Variants in RPL15 observed in about 807,000 individuals in gnomAD.
RPL15 encodes the protein large ribosomal subunit protein eL15.
For synonymous variants in RPL15, 97 were observed against 95.1 expected, an observed-to-expected ratio of 1.02 and a Z score of -0.12; for missense variants, 161 against 271.8, an observed-to-expected ratio of 0.59 and a Z score of 2.87.
rs1270821829 is a variant in RPL15 at position 23,917,878 on chromosome 3, A to G, written c.19A>G (p.Ile7Val). 7.5e-6 allele frequency: 12 copies of G among 1,610,150 alleles called. 1 individual carries two copies. The South Asian group carries it at 1.2e-4, about 16-fold the overall frequency. MGAYKY[I>V]QELWRKKQSD... ...AGCCAAGATGGGTGCATACAAGTAC[A>G]TCCAGGAGCTATGGAGAAAGAAGCA... The change falls in exon 2 of 4, where the codon ATC becomes GTC. Residue 7 changes from isoleucine to valine, a missense_variant. Ile to Val is a conservative substitution (Grantham distance 29). Transcript: ENST00000307839.
chr3:23,918,643 A>C (rs1159976588), intron 3 of RPL15, 67 bp downstream of exon 3: 1 of 1,550,292 alleles, frequency 6.5e-7, no homozygotes, highest in Non-Finnish European at 8.7e-7. Context: ...GAGATTAAGC[A>C]ACTTTTCTGA....
At position 23,920,781 on chromosome 3, in the gene RPL15, G is replaced by A. The variant is rs1323190658; in HGVS notation, c.*1280G>A. 1.0e-6 allele frequency: 1 copy of A among 965,882 alleles called. No homozygotes were observed. The highest frequency in any genetic ancestry group is 1.1e-4 in the East Asian group (1 of 8,748). The allele number at this position is 965,882 out of a possible 1,614,324, so 59.8% of individuals were successfully genotyped here. Reference sequence around the variant, plus strand: ...TTCACAAAAAAAGAAAAGATCTTAAGTCATACATTTTAATTGTGTAGAGGT... The same window carrying A: ...TTCACAAAAAAAGAAAAGATCTTAAATCATACATTTTAATTGTGTAGAGGT... On this transcript the variant is annotated 3_prime_UTR_variant, in exon 4 of 4. Transcript: ENST00000307839.
At chr3:23,917,813 A>C (rs781521103) in intron 1 of RPL15, 37 bp from the exon 2 acceptor site, 1 of 1,566,146 alleles carries the variant, frequency 6.4e-7, no homozygotes, top group East Asian at 2.3e-5. Context: ...ATTGTACTTA[A>C]AGCGGATGAT....
At position 23,920,315 on chromosome 3, in the gene RPL15, TAAA is replaced by T. The variant is rs748550537; in HGVS notation, c.*817_*819del. ...ACGTCATTCTTAGTCCAGTCAGTCTTAAAAACATCTTGGGTTACCCACTCTGTC... is the reference window on the plus strand; with the variant it reads ...ACGTCATTCTTAGTCCAGTCAGTCTTAACATCTTGGGTTACCCACTCTGTC... On this transcript the variant is annotated 3_prime_UTR_variant, in exon 4 of 4. Coordinates refer to ENST00000307839, the MANE Select transcript of RPL15 (RefSeq NM_002948.5). 1.9e-4 allele frequency: 190 copies of T among 985,624 alleles called. No homozygotes were observed. The highest frequency in any genetic ancestry group is 2.1e-4 in the Non-Finnish European group (173 of 829,924). The allele number at this position is 985,624 out of a possible 1,614,324, so 61.1% of individuals were successfully genotyped here.
chr3:23,918,988 G>GAT (rs1467956588), intron 3 of RPL15: 2 of 592,338 alleles, frequency 3.4e-6, no homozygotes, highest in African/African-American at 1.9e-5. Flanking sequence ...AAGAGGGAAT[G>GAT]ATGTGTTTCA....
Position 23,920,371 on chromosome 3 carries a change from C to A in RPL15, c.*870C>A. On this transcript the variant is annotated 3_prime_UTR_variant, in exon 4 of 4. Transcript: ENST00000307839. Reference sequence around the variant, plus strand: ...CTCCCATAGGCTACAGAAAAAGTCACAAGCGCATGGTTTCCAACCATATGT... The same window carrying A: ...CTCCCATAGGCTACAGAAAAAGTCAAAAGCGCATGGTTTCCAACCATATGT... 1 of 985,458 alleles carries A rather than the reference C, an allele frequency of 1.0e-6. No homozygotes were observed. The highest frequency in any genetic ancestry group is 1.2e-6 in the Non-Finnish European group (1 of 829,856). 61.0% of individuals were successfully genotyped at this position (985,458 alleles called of 1,614,324 possible).
chr3:23,916,722 G>GAGCGGAGA (rs1553644332), upstream of RPL15: 1 of 152,282 alleles, frequency 6.6e-6, no homozygotes, highest in Admixed American at 6.6e-5. Context: ...GGACAGCGCA[G>GAGCGGAGA]CGCGGAGACG....
intron 1 of RPL15, 159 bp from the exon 2 acceptor site, chr3:23,917,691 C>T (rs1704717575): frequency 3.0e-5 from 20 of 674,412 alleles, no homozygotes; most frequent in South Asian, 6.1e-5. Context: ...TCCGTGGGCG[C>T]AGTGGTGGGG....
At chr3:23,918,414 C>CT in intron 2 of RPL15, 26 bp from the exon 3 acceptor site, 1 of 1,607,056 alleles carries the variant, frequency 6.2e-7, no homozygotes, top group Non-Finnish European at 8.5e-7. Flanking sequence ...TATAAAATCA[C>CT]TAATTTCGTG....
intron 1 of RPL15, chr3:23,917,542 C>T (rs1704694436): frequency 3.7e-6 from 1 of 267,714 alleles, no homozygotes; most frequent in Non-Finnish European, 7.1e-6. Context: ...GCGGCATCTC[C>T]TTTCAGGTCC....
At chr3:23,921,458 C>G (rs1423051096), downstream of RPL15, 6 of 614,416 alleles carry the variant, frequency 9.8e-6, no homozygotes, top group South Asian at 2.0e-5. Context: ...AGCTTTACTC[C>G]AATATTAAGG....
chr3:23,921,845 G>A (rs1040891825), downstream of RPL15: 1 of 522,466 alleles, frequency 1.9e-6, no homozygotes, highest in Non-Finnish European at 3.4e-6. Flanking sequence ...AAAGTGCTGG[G>A]ATTACAGGCG....
chr3:23,919,743 A>G lies in RPL15; in HGVS notation c.*242A>G, dbSNP rs1704967901. 9.2e-6 allele frequency: 12 copies of G among 1,305,316 alleles called. No homozygotes were observed. Among genetic ancestry groups the G allele is most frequent in the Non-Finnish European group, 1.1e-5 (11 of 1,028,806 alleles). 80.9% of individuals were successfully genotyped at this position (1,305,316 alleles called of 1,614,324 possible). On this transcript the variant is annotated 3_prime_UTR_variant, in exon 4 of 4. Coordinates refer to ENST00000307839, the MANE Select transcript of RPL15 (RefSeq NM_002948.5). ...AGGGAGTTGTATGTCAGTGTATAAA[A>G]CATACTGTGTGGTATAACAGGCTTA...
rs1259844188 is a variant in RPL15 at position 23,917,967 on chromosome 3, C to T, written c.108C>T (p.Leu36=). Residue 36 remains leucine (L), a synonymous_variant, in exon 2 of 4, where the codon CTC becomes CTT. Coordinates refer to ENST00000307839, the MANE Select transcript of RPL15 (RefSeq NM_002948.5). ...RCWQYRQLSA[L]HRAPRPTRPD... ...GGCAGTACCGCCAGCTCTCTGCTCT[C>T]CACAGGGCTCCCCGCCCCACCCGGC... is the stretch of plus-strand genomic sequence containing the variant. The T allele has an allele frequency of 6.2e-7, 1 of 1,613,694 alleles. No individual in the cohort carries two copies.
chr3:23,917,564 G>A, intron 1 of RPL15: 1 of 301,618 alleles, frequency 3.3e-6, no homozygotes, highest in Non-Finnish European at 6.1e-6. Context: ...CCTTGGGGAC[G>A]CCGCCTGCCG....
downstream of RPL15, chr3:23,921,494 C>T (rs185552135): frequency 1.2e-3 from 801 of 659,906 alleles, 14 homozygotes; most frequent in South Asian, 0.013. Context: ...ATACCCTGAC[C>T]GCCCCACAAG....
Position 23,920,666 on chromosome 3 carries a change from ATCTTC to A in RPL15, c.*1169_*1173del, listed in dbSNP as rs1224733734. 2 of 985,116 alleles carry A rather than the reference ATCTTC, an allele frequency of 2.0e-6. No individual in the cohort carries two copies. The highest frequency in any genetic ancestry group is 3.5e-5 in the African/African-American group (2 of 57,218). The allele number at this position is 985,116 out of a possible 1,614,324, so 61.0% of individuals were successfully genotyped here. ...GCTCGTTCTGAACCAATTTTCTCCT[ATCTTC>A]TCTAGGGGTTTCAAAAGACTCAGTT... On this transcript the variant is annotated 3_prime_UTR_variant, in exon 4 of 4. Transcript: ENST00000307839.
downstream of RPL15, chr3:23,922,013 A>C (rs551026564): frequency 6.6e-4 from 112 of 169,294 alleles, 3 homozygotes; most frequent in South Asian, 0.012. The surrounding 1 kb of genome is among the most constrained non-coding windows in gnomAD (Gnocchi z 4.2). Flanking sequence ...GCCCAAATTT[A>C]CTTTAGTAAT....
chr3:23,924,000 T>G (rs1190517092), downstream of RPL15: 1 of 152,176 alleles, frequency 6.6e-6, no homozygotes, highest in African/African-American at 2.4e-5. Context: ...TCTCATGCAT[T>G]TAGGTTGGGG....
Sources: gnomAD v4.1 joint callset for allele counts on GRCh38, gnomAD v4.1.1 for gene constraint, Gnocchi (gnomAD v3.1) non-coding constraint, MANE v1.5 for transcripts, NCBI Gene and HGNC (gene_info 2026-07-23, HGNC 2026-07-21) for gene names.